Variants in OR2L13 observed in about 807,000 individuals in gnomAD.
OR2L13 encodes olfactory receptor 2L13.
Under a neutral mutation model 15.3 loss-of-function variants are expected in OR2L13, and 14 were observed. The ratio of observed to expected loss-of-function variants is 0.91; its 90% CI spans 0.60 to 1.43. The LOEUF (loss-of-function observed/expected upper bound fraction) is 1.43. Ranked by LOEUF, OR2L13 falls within the 40% of genes most tolerant of loss-of-function variation. The pLI is 0.00. For missense variants in OR2L13, 367 were observed against 387.9 expected, an observed-to-expected ratio of 0.95 and a Z score of 0.45; for synonymous variants, 152 against 142.9, an observed-to-expected ratio of 1.06 and a Z score of -0.45.
upstream of OR2L13, among the ~76,000 whole-genome samples, chr1:248,090,510 G>A (rs1187900446): frequency 2.0e-5 from 3 of 152,058 alleles, no homozygotes; most frequent in Admixed American, 1.3e-4. Context: ...TTAATGTTTA[G>A]CTCCCACTTA....
At chr1:247,949,926 T>C in the OR2L13 span, 5 of 603,684 alleles carry the variant, frequency 8.3e-6, no homozygotes, top group East Asian at 2.9e-5. Context: ...ATCACTGATA[T>C]ATGGACAAAA....
At chr1:248,061,330 T>G in the OR2L13 span, 1 of 1,613,876 alleles carries the variant, frequency 6.2e-7, no homozygotes, top group South Asian at 1.1e-5. Flanking sequence ...TTCATGTTCC[T>G]ATGGCCGGGT....
the OR2L13 span, among the ~76,000 whole-genome samples, chr1:248,053,788 G>A: frequency 7.2e-4 from 109 of 151,950 alleles, 1 homozygote; most frequent in African/African-American, 2.4e-3. Context: ...TGTCCTTTGC[G>A]CAATTTTAAT....
chr1:247,944,485 T>G, the OR2L13 span, among the ~76,000 whole-genome samples: 1 of 152,108 alleles, frequency 6.6e-6, no homozygotes, highest in East Asian at 1.9e-4. Context: ...CAGGCCCCAG[T>G]AAGTGTGGTT....
the OR2L13 span, among the ~76,000 whole-genome samples, chr1:247,984,229 C>CATTATTATT: frequency 0.086 from 12,836 of 148,412 alleles, 726 homozygotes; most frequent in East Asian, 0.17. Context: ...GAAAATAAGT[C>CATTATTATT]ATTATTATTA....
chr1:248,071,099 A>G, the OR2L13 span, among the ~76,000 whole-genome samples: 3 of 152,214 alleles, frequency 2.0e-5, no homozygotes, highest in East Asian at 3.8e-4. Context: ...CAATAGAAAA[A>G]GAGGGAATCC....
chr1:247,942,859 G>A, the OR2L13 span, among the ~76,000 whole-genome samples: 1 of 152,032 alleles, frequency 6.6e-6, no homozygotes, highest in African/African-American at 2.4e-5. Flanking sequence ...CTTTGTTCTT[G>A]TTAAACAATT....
the OR2L13 span, among the ~76,000 whole-genome samples, chr1:247,955,508 C>G: frequency 3.9e-5 from 6 of 152,064 alleles, no homozygotes; most frequent in Admixed American, 3.3e-4. Flanking sequence ...CTTCTAGATC[C>G]CTGAGGAATT....
At chr1:248,022,242 C>A in the OR2L13 span, 1 of 1,614,112 alleles carries the variant, frequency 6.2e-7, no homozygotes, top group Non-Finnish European at 8.5e-7. Context: ...GTGTGGGATT[C>A]AGAGTTTCTT....
the OR2L13 span, among the ~76,000 whole-genome samples, chr1:247,961,984 A>G: frequency 1.3e-5 from 2 of 152,182 alleles, no homozygotes. Context: ...CAATTTGGTC[A>G]GGGAGAACCT....
the OR2L13 span, among the ~76,000 whole-genome samples, chr1:247,973,491 G>T: frequency 6.6e-6 from 1 of 152,158 alleles, no homozygotes; most frequent in African/African-American, 2.4e-5. Flanking sequence ...ATAATAGACA[G>T]ACAGAGAGCC....
the OR2L13 span, chr1:248,039,242 C>A: frequency 3.8e-6 from 6 of 1,562,590 alleles, no homozygotes; most frequent in Non-Finnish European, 8.7e-7. Flanking sequence ...GCGCTAGGTT[C>A]ATATCAACTT....
chr1:247,977,457 A>G, the OR2L13 span, among the ~76,000 whole-genome samples: 6 of 152,320 alleles, frequency 3.9e-5, no homozygotes, highest in South Asian at 1.0e-3. Context: ...AGTCATGGGA[A>G]TGATTCCTGT....
the OR2L13 span, chr1:248,022,597 A>G: frequency 1.4e-4 from 224 of 1,614,054 alleles, 2 homozygotes; most frequent in South Asian, 1.7e-3. Context: ...GCGTGTTCCT[A>G]TGGCTGGGTT....
chr1:247,982,761 C>G, the OR2L13 span, among the ~76,000 whole-genome samples: 1 of 151,556 alleles, frequency 6.6e-6, no homozygotes, highest in Non-Finnish European at 1.5e-5. Flanking sequence ...CCAGGTGATA[C>G]GAGGAAATAG....
chr1:248,010,560 A>T, the OR2L13 span, among the ~76,000 whole-genome samples: 1 of 151,966 alleles, frequency 6.6e-6, no homozygotes, highest in Non-Finnish European at 1.5e-5. Context: ...GTGGGAGTCT[A>T]AGTCTCTTTG....
chr1:248,079,841 A>G, the OR2L13 span, among the ~76,000 whole-genome samples: 2 of 152,244 alleles, frequency 1.3e-5, no homozygotes, highest in African/African-American at 2.4e-5. Flanking sequence ...AGACCAAAAG[A>G]AAAACCACAA....
chr1:248,015,895 G>A, the OR2L13 span, among the ~76,000 whole-genome samples: 1 of 152,046 alleles, frequency 6.6e-6, no homozygotes, highest in Non-Finnish European at 1.5e-5. Context: ...TCAAAACTGA[G>A]GAAAATATAG....
chr1:248,056,450 G>A, the OR2L13 span, among the ~76,000 whole-genome samples: 1 of 152,040 alleles, frequency 6.6e-6, no homozygotes, highest in Non-Finnish European at 1.5e-5. Flanking sequence ...ATGTTAGGGT[G>A]TCGATGTGAG....
Sources: gnomAD v4.1 joint callset for allele counts (sites outside exome capture counted in the v4.1 genomes callset) on GRCh38, gnomAD v4.1.1 for gene constraint, MANE v1.5 for transcripts, NCBI Gene and HGNC (gene_info 2026-07-23, HGNC 2026-07-21) for gene names.